Variants in NUFIP2 observed in about 807,000 individuals in gnomAD.
NUFIP2 encodes FMR1-interacting protein NUFIP2.
A neutral mutation model predicts 56.9 loss-of-function variants in NUFIP2; 6 were observed. That is an observed-to-expected ratio of 0.11 (90% CI 0.06 to 0.21). NUFIP2 has a LOEUF of 0.21. NUFIP2 is among the 10% of genes least tolerant of loss of function. The pLI is 1.00. For synonymous variants in NUFIP2, 321 were observed against 298.2 expected, an observed-to-expected ratio of 1.08 and a Z score of -0.79; for missense variants, 828 against 826.8, an observed-to-expected ratio of 1.00 and a Z score of -0.02.
chr17:29,267,409 T>C, intron 3 of NUFIP2, 89 bp downstream of exon 3: 1 of 713,668 alleles, frequency 1.4e-6, no homozygotes, highest in South Asian at 1.7e-5. Context: ...GTCTATTTGG[T>C]AAATTACCAC....
chr17:29,262,370 CTTTT>C lies in NUFIP2; in HGVS notation c.*2165_*2168del, dbSNP rs528420902. ...TTTCCCTTTAATCAACCTTATATGT[CTTTT>C]TTTTTAACTTTTTGAAAATTTTTAT... On this transcript the variant is annotated 3_prime_UTR_variant, in exon 4 of 4. Coordinates refer to ENST00000225388, the MANE Select transcript of NUFIP2 (RefSeq NM_020772.3). 6.6e-6 allele frequency: 1 copy of C among 150,926 alleles called. No homozygotes were observed. The highest frequency in any genetic ancestry group is 1.5e-5 in the Non-Finnish European group (1 of 67,634). 9.3% of individuals were successfully genotyped at this position (150,926 alleles called of 1,614,324 possible). A position where few individuals can be genotyped will look rare whatever the true frequency, so the allele number is the denominator to read the frequency against.
At chr17:29,267,364 T>A in intron 3 of NUFIP2, 134 bp downstream of exon 3, 1 of 571,634 alleles carries the variant, frequency 1.7e-6, no homozygotes. Context: ...GCTAGTGCCT[T>A]TTGATTGCAG....
intron 3 of NUFIP2, among the ~76,000 whole-genome samples, chr17:29,264,838 G>T (rs2069025094): frequency 6.6e-6 from 1 of 152,138 alleles, no homozygotes; most frequent in Admixed American, 6.6e-5. Context: ...AACTCCTGCA[G>T]ATCAGAGATG....
At chr17:29,270,556 A>AT (rs1021994445) in intron 2 of NUFIP2, among the ~76,000 whole-genome samples, 1 of 152,250 alleles carries the variant, frequency 6.6e-6, no homozygotes, top group African/African-American at 2.4e-5. Context: ...TACAACCAAT[A>AT]TTTTTTATTT....
intron 1 of NUFIP2, among the ~76,000 whole-genome samples, chr17:29,291,642 A>G (rs1304880918): frequency 6.6e-6 from 1 of 152,264 alleles, no homozygotes; most frequent in Non-Finnish European, 1.5e-5. Context: ...AAGTCTGGCA[A>G]GAGTATATTA....
At chr17:29,280,286 C>T (rs191921123) in intron 2 of NUFIP2, among the ~76,000 whole-genome samples, 13 of 152,314 alleles carry the variant, frequency 8.5e-5, no homozygotes, top group African/African-American at 3.1e-4. Context: ...AAATGACTTT[C>T]AACCATTTCA....
rs750314684 is a variant in NUFIP2, at chr17:29,263,913, C to G, written c.*626G>C. 1 of 152,586 alleles carries G rather than the reference C, an allele frequency of 6.6e-6. No homozygotes were observed. Among genetic ancestry groups the G allele is most frequent in the Non-Finnish European group, 1.5e-5 (1 of 68,030 alleles). The allele number at this position is 152,586 out of a possible 1,614,324, so 9.5% of individuals were successfully genotyped here. A position where few individuals can be genotyped will look rare whatever the true frequency, so the allele number is the denominator to read the frequency against. The stretch of plus-strand genomic sequence containing the variant: ...AATGGAAAGAAATAAAGTATTTCCC[C>G]AACACCCCAGAGGCCGCTTAACTCC... On this transcript the variant is annotated 3_prime_UTR_variant, in exon 4 of 4. Transcript: ENST00000225388.
rs8614 is a variant in NUFIP2, at chr17:29,261,788, C to A, written c.*2751G>T. Reference sequence around the variant, plus strand: ...GGCAATTAAGTCTATTAACCTAATGCCCCCAAAATACTGACAGTTAATATG... The same window carrying A: ...GGCAATTAAGTCTATTAACCTAATGACCCCAAAATACTGACAGTTAATATG... On this transcript the variant is annotated 3_prime_UTR_variant, in exon 4 of 4. Coordinates refer to ENST00000225388, the MANE Select transcript of NUFIP2 (RefSeq NM_020772.3). 24,078 of 152,492 alleles carry A rather than the reference C, an allele frequency of 0.16. 2,681 individuals carry two copies. Among genetic ancestry groups the A allele is most frequent in the East Asian group, 0.54 (2,783 of 5,174 alleles). The allele number at this position is 152,492 out of a possible 1,614,324, so 9.4% of individuals were successfully genotyped here.
Position 29,270,321 on chromosome 17 carries a change from G to GGA in NUFIP2, c.2003-2793_2003-2792dup, listed in dbSNP as rs1351588249. Among the ~76,000 whole-genome samples, 3 of 112,454 alleles carry GGA rather than the reference G, an allele frequency of 2.7e-5. No homozygotes were observed. The East Asian group carries it at 8.7e-4, about 33-fold the overall frequency. The allele number at this position is 112,454 out of a possible 152,430, so 73.8% of individuals were successfully genotyped here. ...GGGAGAACTATAATCAATCTAACCTGGAGAAAAAAAAAAAAAAAAAGATGA... is the reference window on the plus strand; with the variant it reads ...GGGAGAACTATAATCAATCTAACCTGGAGAGAAAAAAAAAAAAAAAAAGATGA... On this transcript the variant is annotated intron_variant, in intron 2 of 3. Transcript: ENST00000225388.
intron 3 of NUFIP2, among the ~76,000 whole-genome samples, chr17:29,265,304 T>A (rs1035343921): frequency 5.5e-4 from 72 of 130,354 alleles, no homozygotes; most frequent in African/African-American, 1.1e-3. Context: ...TATTTTATTT[T>A]ATTTTTTTTT....
chr17:29,287,660 T>C lies in NUFIP2; in HGVS notation c.334A>G (p.Ser112Gly). The C allele has an allele frequency of 3.1e-6, 5 of 1,613,534 alleles. No individual in the cohort carries two copies. The highest frequency in any genetic ancestry group is 4.2e-6 in the Non-Finnish European group (5 of 1,179,894). The change falls in exon 2 of 4, where the codon AGT becomes GGT. Residue 112 changes from serine to glycine, a missense_variant. By Grantham distance (56) the Ser-to-Gly change is moderately conservative. Around this residue, in one of 3 missense-constraint regions of NUFIP2, gnomAD observed 415 missense variants for 408.7 expected, o/e 1.02. Transcript: ENST00000225388. ...GEREISLKNL[S>G]SDEATNPISR... ...ATAGGGTTGGTGGCTTCATCAGAAC[T>C]CAGGTTCTTTAAAGATATTTCTCTT...
rs751250575 is a variant in NUFIP2 at position 29,293,913 on chromosome 17, A to ATGGTGG, written c.141_146dup (p.His50_His51dup). Reference sequence around the variant, plus strand: ...GGTATTGGTGAGGCTGCTGGTGATGATGGTGGTGGTGGTGGTTGTGGCTGT... The same window carrying ATGGTGG: ...GGTATTGGTGAGGCTGCTGGTGATGATGGTGGTGGTGGTGGTGGTGGTTGTGGCTGT... On this transcript the variant is annotated inframe_insertion, in exon 1 of 4. Coordinates refer to ENST00000225388, the MANE Select transcript of NUFIP2 (RefSeq NM_020772.3). 3.7e-6 allele frequency: 6 copies of ATGGTGG among 1,613,094 alleles called. No individual in the cohort carries two copies. Among genetic ancestry groups the ATGGTGG allele is most frequent in the South Asian group, 2.2e-5 (2 of 91,034 alleles).
rs762119181 is a variant in NUFIP2 at position 29,286,388 on chromosome 17, A to G, written c.1606T>C (p.Phe536Leu). Residue 536 changes from phenylalanine to leucine, a missense_variant, in exon 2 of 4, where the codon TTT becomes CTT. Physicochemically the swap from Phe to Leu is conservative, Grantham distance 22 (BLOSUM62 0). Around this residue, in one of 3 missense-constraint regions of NUFIP2, gnomAD observed 404 missense variants for 380.3 expected, o/e 1.06. Transcript: ENST00000225388. Reference sequence around the variant, plus strand: ...AAAGTAGCAGGATATTCTCCTTGAAATGTCACCTCCATCACTTTATGCTCT... The same window carrying G: ...AAAGTAGCAGGATATTCTCCTTGAAGTGTCACCTCCATCACTTTATGCTCT... ...SSEHKVMEVT[F>L]QGEYPATLVS... 19 of 1,614,058 alleles carry G rather than the reference A, an allele frequency of 1.2e-5. No homozygotes were observed. The South Asian group carries it at 2.1e-4, about 18-fold the overall frequency.
At position 29,293,968 on chromosome 17, in the gene NUFIP2, T is replaced by TGCG. The variant is rs998830524; in HGVS notation, c.89_91dup (p.Pro30dup). On this transcript the variant is annotated inframe_insertion, in exon 1 of 4. Coordinates refer to ENST00000225388, the MANE Select transcript of NUFIP2 (RefSeq NM_020772.3). ...GTAGAAATAATAATGGTGGTGGTGG[T>TGCG]GCGGCTGCTGCTGCTGCTGCTGAGG... The TGCG allele has an allele frequency of 1.2e-6, 2 of 1,612,436 alleles. No homozygotes were observed. The highest frequency in any genetic ancestry group is 1.3e-5 in the African/African-American group (1 of 74,774).
intron 2 of NUFIP2, among the ~76,000 whole-genome samples, chr17:29,283,058 A>G (rs1275218178): frequency 6.6e-6 from 1 of 152,184 alleles, no homozygotes; most frequent in Non-Finnish European, 1.5e-5. Flanking sequence ...CAATCTGATT[A>G]ATTTCCAATC....
In NUFIP2 at chr17:29,293,993, G is replaced by T; in HGVS notation, c.67C>A (p.Pro23Thr). The part of the protein sequence containing the change: ...HHSHHHPHHH[P>T]QQQQQQPHHH... ...TGCGGCTGCTGCTGCTGCTGCTGAGGGTGATGGTGCGGATGGTGGTGGCTG... is the reference window on the plus strand; with the variant it reads ...TGCGGCTGCTGCTGCTGCTGCTGAGTGTGATGGTGCGGATGGTGGTGGCTG... Residue 23 changes from proline (P) to threonine (T), a missense_variant, in exon 1 of 4, where the codon CCT becomes ACT. Around this residue, in one of 3 missense-constraint regions of NUFIP2, gnomAD observed 415 missense variants for 408.7 expected, o/e 1.02. Coordinates refer to ENST00000225388, the MANE Select transcript of NUFIP2 (RefSeq NM_020772.3). 6.2e-7 allele frequency: 1 copy of T among 1,613,224 alleles called. No individual in the cohort carries two copies. The highest frequency in any genetic ancestry group is 8.5e-7 in the Non-Finnish European group (1 of 1,179,364).
At chr17:29,289,707 T>C (rs575751042) in intron 1 of NUFIP2, among the ~76,000 whole-genome samples, 6 of 152,186 alleles carry the variant, frequency 3.9e-5, no homozygotes, top group Non-Finnish European at 8.8e-5. Flanking sequence ...CTGAGAACCA[T>C]TGTTCCAAAA....
Position 29,271,545 on chromosome 17 carries a change from A to G in NUFIP2, c.2003-4015T>C, listed in dbSNP as rs1310891671. On this transcript the variant is annotated intron_variant, in intron 2 of 3. Transcript: ENST00000225388. ...GAGCAAGACTCCGTCTCAAAAAAAA[A>G]AAAAGAAAAGTAAAGAAAGAAATCA... is the stretch of plus-strand genomic sequence containing the variant. 3.3e-5 allele frequency among the ~76,000 whole-genome samples: 5 copies of G among 152,202 alleles called. No individual in the cohort carries two copies. In the East Asian group the frequency reaches 9.7e-4, roughly 29 times the overall value.
At position 29,294,128 on chromosome 17, in the gene NUFIP2, C is replaced by T; in HGVS notation, c.-69G>A. Reference sequence around the variant, plus strand: ...ACCGTCAGGATCTGAGACTGCTTCTCAGGGCTCACTCAGTATATCTGAGCG... The same window carrying T: ...ACCGTCAGGATCTGAGACTGCTTCTTAGGGCTCACTCAGTATATCTGAGCG... On this transcript the variant is annotated 5_prime_UTR_variant, in exon 1 of 4. Coordinates refer to ENST00000225388, the MANE Select transcript of NUFIP2 (RefSeq NM_020772.3). 9 of 1,529,106 alleles carry T rather than the reference C, an allele frequency of 5.9e-6. No individual in the cohort carries two copies. The East Asian group carries it at 9.1e-5, about 15-fold the overall frequency. The allele number at this position is 1,529,106 out of a possible 1,614,324, so 94.7% of individuals were successfully genotyped here.
Sources: allele counts gnomAD v4.1 joint callset (sites outside exome capture counted in the v4.1 genomes callset), GRCh38; gene constraint gnomAD v4.1.1; regional missense constraint gnomAD v4.1.1; transcripts MANE v1.5; gene names NCBI Gene and HGNC (gene_info 2026-07-23, HGNC 2026-07-21).